Variants in CPEB3 observed in about 807,000 individuals in gnomAD.
CPEB3 encodes cytoplasmic polyadenylation element binding protein 3.
CPEB3 carries 20 observed loss-of-function variants against 67.2 expected under a neutral mutation model. That is an observed-to-expected ratio of 0.30 (90% confidence interval 0.21 to 0.43). The LOEUF (loss-of-function observed/expected upper bound fraction) is 0.43, where lower values mean the gene tolerates loss of function less well. Among genes scored for constraint, CPEB3 ranks in the 20% least tolerant of loss-of-function variants. The pLI, the probability that CPEB3 is intolerant of heterozygous loss-of-function variation, is 1.00. For missense variants in CPEB3, 746 were observed against 968.6 expected, an observed-to-expected ratio of 0.77 and a Z score of 3.05; for synonymous variants, 376 against 393.1, an observed-to-expected ratio of 0.96 and a Z score of 0.51.
intron 1 of CPEB3, among the ~76,000 whole-genome samples, chr10:92,257,974 C>T (rs941551248): frequency 3.9e-5 from 6 of 152,094 alleles, no homozygotes; most frequent in African/African-American, 7.2e-5. Context: ...AGATGATTCG[C>T]CAACCTCAGC....
At chr10:92,268,577 TTC>T (rs1853164497) in intron 1 of CPEB3, among the ~76,000 whole-genome samples, 1 of 152,198 alleles carries the variant, frequency 6.6e-6, no homozygotes, top group African/African-American at 2.4e-5. Context: ...CAACACACCC[TTC>T]TCTCTCAAAG....
intron 1 of CPEB3, among the ~76,000 whole-genome samples, chr10:92,270,559 CTTTTT>C (rs571582158): frequency 4.0e-5 from 5 of 124,870 alleles, no homozygotes; most frequent in Non-Finnish European, 5.1e-5. Flanking sequence ...TTTTATATTA[CTTTTT>C]TTTTTTTTTT....
intron 1 of CPEB3, among the ~76,000 whole-genome samples, chr10:92,278,930 AT>A (rs930787294): frequency 1.8e-3 from 260 of 146,138 alleles, no homozygotes; most frequent in East Asian, 0.013. Flanking sequence ...TGTTTTTATT[AT>A]TTTTTTTTTT....
chr10:92,069,090 C>A (rs1245234978), intron 9 of CPEB3, among the ~76,000 whole-genome samples: 3 of 152,144 alleles, frequency 2.0e-5, no homozygotes, highest in Admixed American at 6.5e-5. Flanking sequence ...ATCCTTACTT[C>A]TTTTGCTATT....
At chr10:92,230,491 G>T (rs1444355718) in intron 2 of CPEB3, among the ~76,000 whole-genome samples, 2 of 152,016 alleles carry the variant, frequency 1.3e-5, no homozygotes, top group Admixed American at 1.3e-4. Flanking sequence ...TTATTTCTGA[G>T]AATTATATAA....
intron 2 of CPEB3, among the ~76,000 whole-genome samples, chr10:92,193,130 T>A (rs775882207): frequency 8.6e-5 from 13 of 152,006 alleles, no homozygotes; most frequent in Non-Finnish European, 7.4e-5. Context: ...GAGAATCACT[T>A]GAACCTGGAA....
At position 92,240,286 on chromosome 10, in the gene CPEB3, T is replaced by TGCC. The variant is rs1345332762; in HGVS notation, c.62_64dup (p.Arg21dup). On this transcript the variant is annotated inframe_insertion, in exon 2 of 10. Transcript: ENST00000265997. ...GGACTCAGGTTGGGGCTGCTGCTGC[T>TGCC]GCCGCTGCTGCTGCTGGGGCTGGGG... 3.3e-6 allele frequency: 5 copies of TGCC among 1,516,214 alleles called. No individual in the cohort carries two copies. Among genetic ancestry groups the TGCC allele is most frequent in the Non-Finnish European group, 8.8e-7 (1 of 1,130,568 alleles). The allele number at this position is 1,516,214 out of a possible 1,614,324, so 93.9% of individuals were successfully genotyped here.
chr10:92,129,053 C>T (rs61875203), intron 6 of CPEB3, among the ~76,000 whole-genome samples: 29,079 of 152,206 alleles, frequency 0.19, 3,571 homozygotes, highest in Non-Finnish European at 0.28. Flanking sequence ...GTGTTCACTG[C>T]AGCACTATTC....
intron 2 of CPEB3, among the ~76,000 whole-genome samples, chr10:92,235,485 T>A (rs910924804): frequency 1.3e-5 from 2 of 152,114 alleles, no homozygotes; most frequent in Non-Finnish European, 2.9e-5. Context: ...GACAAGATCA[T>A]GCAAAGCCTA....
intron 7 of CPEB3, among the ~76,000 whole-genome samples, chr10:92,097,779 G>A (rs1354917466): frequency 6.6e-6 from 1 of 152,140 alleles, no homozygotes; most frequent in Non-Finnish European, 1.5e-5. Flanking sequence ...GATAAGCAGT[G>A]TTGGGGAAAA....
At chr10:92,083,450 T>C (rs1027455353) in intron 8 of CPEB3, among the ~76,000 whole-genome samples, 1 of 152,166 alleles carries the variant, frequency 6.6e-6, no homozygotes, top group Non-Finnish European at 1.5e-5. Flanking sequence ...ACCCTAAATA[T>C]TAGAGGTCCT....
chr10:92,171,291 A>G (rs1377098994), intron 4 of CPEB3, among the ~76,000 whole-genome samples: 1 of 152,208 alleles, frequency 6.6e-6, no homozygotes, highest in Non-Finnish European at 1.5e-5. Flanking sequence ...TCAGGGAACA[A>G]TAAAAGCAGA....
At chr10:92,062,346 T>C (rs1176301998) in intron 9 of CPEB3, among the ~76,000 whole-genome samples, 1 of 149,624 alleles carries the variant, frequency 6.7e-6, no homozygotes, top group Non-Finnish European at 1.5e-5. Flanking sequence ...TGTTAAAGAA[T>C]AAAAGGACAT....
In CPEB3 at chr10:92,239,264, G is replaced by C; in HGVS notation, c.1005+82C>G. 2.1e-6 allele frequency: 3 copies of C among 1,443,408 alleles called. No individual in the cohort carries two copies. Among genetic ancestry groups the C allele is most frequent in the Non-Finnish European group, 2.8e-6 (3 of 1,056,566 alleles). The allele number at this position is 1,443,408 out of a possible 1,614,324, so 89.4% of individuals were successfully genotyped here. On this transcript the variant is annotated intron_variant, in intron 2 of 9. Transcript: ENST00000265997. The surrounding 1 kb of genome is among the most constrained non-coding windows in gnomAD (Gnocchi z 6.0). ...ACATTGCTGCCCTTTTTAAATATAA[G>C]CGGGTGGATGATTAAAAGTCAGAGA...
At chr10:92,217,050 A>AT (rs1467701412) in intron 2 of CPEB3, among the ~76,000 whole-genome samples, 1 of 150,408 alleles carries the variant, frequency 6.6e-6, no homozygotes, top group African/African-American at 2.5e-5. Context: ...AAAAAAAAAA[A>AT]AAAAAAAATT....
chr10:92,235,367 A>T (rs1851478182), intron 2 of CPEB3, among the ~76,000 whole-genome samples: 1 of 151,680 alleles, frequency 6.6e-6, no homozygotes. Context: ...AATCACTTGA[A>T]CCCGGGAGGT....
At chr10:92,116,267 AT>A (rs530589565) in intron 6 of CPEB3, among the ~76,000 whole-genome samples, 180 of 147,586 alleles carry the variant, frequency 1.2e-3, no homozygotes, top group South Asian at 0.01. Flanking sequence ...AAAAAAAAAA[AT>A]AATAATAATA....
At chr10:92,093,349 T>C (rs547926517) in intron 7 of CPEB3, among the ~76,000 whole-genome samples, 1 of 152,318 alleles carries the variant, frequency 6.6e-6, no homozygotes, top group Admixed American at 6.5e-5. Context: ...CAGAAATCAA[T>C]ACTTAATGCG....
At chr10:92,134,180 G>C (rs1422620330) in intron 6 of CPEB3, among the ~76,000 whole-genome samples, 1 of 152,148 alleles carries the variant, frequency 6.6e-6, no homozygotes, top group Non-Finnish European at 1.5e-5. Context: ...AATCAGGCAA[G>C]AGAAAGAAAT....
Sources: allele counts gnomAD v4.1 joint callset (sites outside exome capture counted in the v4.1 genomes callset), GRCh38; gene constraint gnomAD v4.1.1; non-coding constraint Gnocchi (gnomAD v3.1); transcripts MANE v1.5; gene names NCBI Gene and HGNC (gene_info 2026-07-23, HGNC 2026-07-21).